AFF3: variants seen among roughly 807,000 people sequenced by gnomAD.
The protein encoded by AFF3 is ALF transcription elongation factor 3, also known as AF4/FMR2 family member 3.
A neutral mutation model predicts 129.7 loss-of-function variants in AFF3; 32 were observed. That is an observed-to-expected ratio of 0.25 (90% confidence interval 0.19 to 0.33). The LOEUF (loss-of-function observed/expected upper bound fraction) is 0.33, where lower values mean the gene tolerates loss of function less well. Among genes scored for constraint, AFF3 ranks in the 10% least tolerant of loss-of-function variants. The pLI is 1.00. For missense variants in AFF3, 1,373 were observed against 1,592.0 expected (o/e 0.86, Z 2.34); for synonymous variants, 644 against 635.4 (o/e 1.01, Z -0.20).
At chr2:99,960,614 C>T (rs1197918189) in intron 7 of AFF3, among the ~76,000 whole-genome samples, 2 of 152,166 alleles carry the variant, frequency 1.3e-5, no homozygotes, top group Admixed American at 6.5e-5. Context: ...TACAACCTTT[C>T]GTTAAGAAGT....
intron 13 of AFF3, among the ~76,000 whole-genome samples, chr2:99,605,942 C>A (rs1680290832): frequency 6.6e-6 from 1 of 152,148 alleles, no homozygotes; most frequent in Admixed American, 6.5e-5. Context: ...TCCACCTCAG[C>A]CTCCCAAAGT....
intron 13 of AFF3, among the ~76,000 whole-genome samples, chr2:99,611,170 T>G (rs1255665244): frequency 6.6e-6 from 1 of 152,200 alleles, no homozygotes; most frequent in Non-Finnish European, 1.5e-5. Flanking sequence ...ATTTTCTGTA[T>G]TATTGTGGTG....
intron 23 of AFF3, 45 bp downstream of exon 23, chr2:99,554,638 T>C (rs748597103): frequency 1.2e-6 from 2 of 1,613,586 alleles, no homozygotes; most frequent in Non-Finnish European, 1.7e-6. Context: ...CCCAGCACCA[T>C]GCATTGTCTG....
At chr2:99,867,919 C>T (rs1053604951) in intron 7 of AFF3, among the ~76,000 whole-genome samples, 2 of 152,216 alleles carry the variant, frequency 1.3e-5, no homozygotes, top group Non-Finnish European at 2.9e-5. Context: ...GCTAATCACG[C>T]CCCTGGGCGA....
At chr2:100,124,048 G>GT (rs1692086995) in intron 2 of AFF3, among the ~76,000 whole-genome samples, 2 of 152,166 alleles carry the variant, frequency 1.3e-5, no homozygotes, top group South Asian at 4.1e-4. Context: ...AAAAGAGAGT[G>GT]TTCACAGGTT....
rs779393302 is a variant in AFF3 at position 100,105,855 on chromosome 2, T to C, written c.-144-272A>G. 2.4e-5 allele frequency: 32 copies of C among 1,337,526 alleles called. No individual in the cohort carries two copies. The African/African-American group carries it at 4.5e-4, about 19-fold the overall frequency. The allele number at this position is 1,337,526 out of a possible 1,614,324, so 82.9% of individuals were successfully genotyped here. ...AGAGCAGCTCAGAGCCCTGCAGTTG[T>C]GCCTCACCACGCGAACCAAACCTCG... is the stretch of plus-strand genomic sequence containing the variant. On this transcript the variant is annotated intron_variant, in intron 2 of 24. Transcript: ENST00000672756.
At chr2:100,126,213 G>T (rs1692182335) in intron 2 of AFF3, among the ~76,000 whole-genome samples, 1 of 152,212 alleles carries the variant, frequency 6.6e-6, no homozygotes, top group Non-Finnish European at 1.5e-5. Context: ...TTGTCAGGAA[G>T]TTGTGACACT....
intron 13 of AFF3, among the ~76,000 whole-genome samples, chr2:99,648,917 A>ACACTCT: frequency 8.1e-4 from 38 of 46,932 alleles, no homozygotes; most frequent in African/African-American, 1.9e-3. Flanking sequence ...ACACACACAC[A>ACACTCT]CTCTCTCTCT....
chr2:99,842,454 G>A (rs941403591), intron 7 of AFF3, among the ~76,000 whole-genome samples: 1 of 151,872 alleles, frequency 6.6e-6, no homozygotes, highest in African/African-American at 2.4e-5. Flanking sequence ...ATTTTTTGAC[G>A]GTTTGTAGCT....
At chr2:99,710,257 G>GT (rs1677776499) in intron 11 of AFF3, among the ~76,000 whole-genome samples, 1 of 152,202 alleles carries the variant, frequency 6.6e-6, no homozygotes, top group South Asian at 2.1e-4. Flanking sequence ...TTCAGTATTT[G>GT]TTTTTTGTTT....
At chr2:100,000,512 GCACACACACA>G (rs67954752) in intron 7 of AFF3, among the ~76,000 whole-genome samples, 1 of 148,774 alleles carries the variant, frequency 6.7e-6, no homozygotes, top group Admixed American at 6.7e-5. Flanking sequence ...TAGCACGCGC[GCACACACACA>G]CACACACACA....
At chr2:99,968,822 TAA>T (rs1678053275) in intron 7 of AFF3, among the ~76,000 whole-genome samples, 1 of 152,190 alleles carries the variant, frequency 6.6e-6, no homozygotes, top group Non-Finnish European at 1.5e-5. Flanking sequence ...TTTCCCTTTA[TAA>T]GTTTCACCTC....
intron 2 of AFF3, among the ~76,000 whole-genome samples, chr2:100,122,742 A>G (rs1316387541): frequency 6.6e-6 from 1 of 152,356 alleles, no homozygotes; most frequent in African/African-American, 2.4e-5. Context: ...TAAAATGAGC[A>G]TTTCCCAAAA....
At chr2:99,730,803 G>A (rs1397724033) in intron 10 of AFF3, among the ~76,000 whole-genome samples, 4 of 151,936 alleles carry the variant, frequency 2.6e-5, no homozygotes, top group Non-Finnish European at 5.9e-5. Flanking sequence ...GTGAGCCACC[G>A]TGCTCGGCCA....
At chr2:100,122,031 C>A (rs184111728) in intron 2 of AFF3, among the ~76,000 whole-genome samples, 2,047 of 152,186 alleles carry the variant, frequency 0.013, 53 homozygotes, top group African/African-American at 0.047. Context: ...CACTGCAGTC[C>A]GCAGTCCGGC....
rs1213305546 is a variant in AFF3 at position 99,551,334 on chromosome 2, A to G, written c.*140T>C. 1.6e-6 allele frequency: 2 copies of G among 1,247,488 alleles called. No homozygotes were observed. The highest frequency in any genetic ancestry group is 3.0e-5 in the African/African-American group (2 of 66,456). 77.3% of individuals were successfully genotyped at this position (1,247,488 alleles called of 1,614,324 possible). ...ACACATACAAACACACATGCCCTGC[A>G]AAAGATCATTGTTCAATGCTGAGGA... On this transcript the variant is annotated 3_prime_UTR_variant, in exon 25 of 25. Transcript: ENST00000672756.
intron 2 of AFF3, chr2:100,109,917 G>T (rs1047194949): frequency 6.6e-6 from 1 of 152,116 alleles, no homozygotes. Flanking sequence ...TATAGCATTG[G>T]CGCATTCTCA....
intron 7 of AFF3, among the ~76,000 whole-genome samples, chr2:99,938,974 T>C (rs1033604834): frequency 4.6e-5 from 7 of 152,226 alleles, no homozygotes; most frequent in Admixed American, 3.3e-4. Context: ...CTCGCTCTTA[T>C]ATGGCTTGAG....
chr2:99,659,240 G>A (rs1434839168), intron 12 of AFF3, among the ~76,000 whole-genome samples: 1 of 152,178 alleles, frequency 6.6e-6, no homozygotes, highest in East Asian at 1.9e-4. Context: ...TCAGGTGGCT[G>A]AAATGTGGTT....
Sources: allele counts gnomAD v4.1 joint callset (sites outside exome capture counted in the v4.1 genomes callset), GRCh38; gene constraint gnomAD v4.1.1; transcripts MANE v1.5; gene names NCBI Gene and HGNC (gene_info 2026-07-23, HGNC 2026-07-21).